The following PARD3B variants were observed in gnomAD, a reference collection of about 807,000 sequenced individuals.
PARD3B encodes the protein par-3 family cell polarity regulator beta.
A neutral mutation model predicts 130.2 loss-of-function variants in PARD3B; 103 were observed. That is an observed-to-expected ratio of 0.79 (90% confidence interval 0.67 to 0.93). The LOEUF (loss-of-function observed/expected upper bound fraction) is 0.93. PARD3B is among the 40% of genes least tolerant of loss of function. The pLI is 0.00. For missense variants in PARD3B, 1,609 were observed against 1,499.2 expected (o/e 1.07, Z -1.21); for synonymous variants, 583 against 553.2 (o/e 1.05, Z -0.76).
chr2:204,977,211 T>C (rs2125195027), intron 3 of PARD3B, among the ~76,000 whole-genome samples: 1 of 152,316 alleles, frequency 6.6e-6, no homozygotes, highest in East Asian at 1.9e-4. Context: ...GGTAATTGCT[T>C]TGATCTTTTT....
At chr2:205,467,236 CAG>C (rs1334197189) in intron 20 of PARD3B, among the ~76,000 whole-genome samples, 1 of 152,152 alleles carries the variant, frequency 6.6e-6, no homozygotes. Context: ...AAAGAGAAAA[CAG>C]AAATGTTTCC....
intron 4 of PARD3B, among the ~76,000 whole-genome samples, chr2:205,101,510 G>A (rs1011312697): frequency 2.6e-5 from 4 of 152,186 alleles, no homozygotes; most frequent in African/African-American, 9.7e-5. Flanking sequence ...GTTACCATAT[G>A]AGCAACAATT....
chr2:205,560,420 G>A (rs1559217894), intron 22 of PARD3B, among the ~76,000 whole-genome samples: 1 of 152,062 alleles, frequency 6.6e-6, no homozygotes, highest in Non-Finnish European at 1.5e-5. Flanking sequence ...GAACAGTTTA[G>A]TGTGTAATTG....
chr2:205,450,446 A>T lies in PARD3B; in HGVS notation c.3044+9774A>T, dbSNP rs141500124. Among the ~76,000 whole-genome samples, 275 of 151,610 alleles carry T rather than the reference A, an allele frequency of 1.8e-3. 2 individuals carry two copies. Among genetic ancestry groups the T allele is most frequent in the African/African-American group, 5.8e-3 (239 of 41,324 alleles). ...GAGGAGATGAAAGGCAAGAAAACTT[A>T]AAAAATTTAAGTGCAGATTCTTTTT... On this transcript the variant is annotated intron_variant, in intron 20 of 22. Coordinates refer to ENST00000406610, the MANE Select transcript of PARD3B (RefSeq NM_001302769.2).
chr2:205,261,765 T>G (rs2040322073), intron 16 of PARD3B, among the ~76,000 whole-genome samples: 1 of 152,174 alleles, frequency 6.6e-6, no homozygotes, highest in African/African-American at 2.4e-5. Context: ...AAAGGAGCTT[T>G]TATCAGATTA....
chr2:205,057,727 A>ATATATGTGTATGTGTATACG (rs1699818650), intron 4 of PARD3B, among the ~76,000 whole-genome samples: 1 of 150,594 alleles, frequency 6.6e-6, no homozygotes. Context: ...GTATATATAC[A>ATATATGTGTATGTGTATACG]TATATGTGTA....
intron 4 of PARD3B, among the ~76,000 whole-genome samples, chr2:205,102,058 T>A (rs1429054650): frequency 6.6e-6 from 1 of 152,148 alleles, no homozygotes; most frequent in Non-Finnish European, 1.5e-5. Flanking sequence ...ATAAAAATGA[T>A]CTTAAGGCAA....
At chr2:205,391,623 C>A (rs945492987) in intron 18 of PARD3B, among the ~76,000 whole-genome samples, 7 of 152,286 alleles carry the variant, frequency 4.6e-5, no homozygotes, top group Middle Eastern at 3.4e-3. Context: ...TGTTTTGAAG[C>A]CAGTGAAAGT....
chr2:205,199,650 T>C (rs1321302669), intron 15 of PARD3B, among the ~76,000 whole-genome samples: 1 of 152,144 alleles, frequency 6.6e-6, no homozygotes, highest in African/African-American at 2.4e-5. Flanking sequence ...AGGTGGCCCA[T>C]TGTTTTAAAC....
In PARD3B at chr2:205,284,355, A is replaced by T. The variant is rs112108027; in HGVS notation, c.2186-16175A>T. ...TCCCTAAATAATTATCTGCAAATTAACCTTTTCTCTTACTGGAATATTTGT... is the reference window on the plus strand; with the variant it reads ...TCCCTAAATAATTATCTGCAAATTATCCTTTTCTCTTACTGGAATATTTGT... On this transcript the variant is annotated intron_variant, in intron 16 of 22. Transcript: ENST00000406610. 5.0e-3 allele frequency among the ~76,000 whole-genome samples: 769 copies of T among 152,338 alleles called. 9 individuals carry two copies. Among genetic ancestry groups the T allele is most frequent in the East Asian group, 0.031 (161 of 5,188 alleles).
At chr2:204,921,167 T>A (rs927105183) in intron 2 of PARD3B, among the ~76,000 whole-genome samples, 9 of 152,330 alleles carry the variant, frequency 5.9e-5, no homozygotes, top group South Asian at 4.1e-4. Context: ...ATGTAATCAG[T>A]GCTGGTTCAT....
chr2:205,247,670 C>T (rs914615224), intron 16 of PARD3B, among the ~76,000 whole-genome samples: 2 of 152,126 alleles, frequency 1.3e-5, no homozygotes, highest in East Asian at 1.9e-4. Flanking sequence ...TACTACTTCA[C>T]GTTTTTCATT....
rs913141197 is a variant in PARD3B at position 205,473,525 on chromosome 2, C to T, written c.3045-26371C>T. On this transcript the variant is annotated intron_variant, in intron 20 of 22. Coordinates refer to ENST00000406610, the MANE Select transcript of PARD3B (RefSeq NM_001302769.2). This position sits in a 1 kb window ranked among gnomAD's most constrained non-coding sequence, Gnocchi z 4.9. ...TTTTCTGCTGCCTGACAGTAGGGCACGTTTCACTCATTAATATGGGTGATA... is the reference window on the plus strand; with the variant it reads ...TTTTCTGCTGCCTGACAGTAGGGCATGTTTCACTCATTAATATGGGTGATA... 6.6e-6 allele frequency among the ~76,000 whole-genome samples: 1 copy of T among 151,504 alleles called. No individual in the cohort carries two copies. Among genetic ancestry groups the T allele is most frequent in the East Asian group, 1.9e-4 (1 of 5,146 alleles).
At chr2:204,932,039 C>T (rs917586808) in intron 2 of PARD3B, among the ~76,000 whole-genome samples, 8 of 151,966 alleles carry the variant, frequency 5.3e-5, no homozygotes, top group Admixed American at 1.3e-4. Flanking sequence ...CTACATTTGC[C>T]GAATTCTAGT....
intron 2 of PARD3B, among the ~76,000 whole-genome samples, chr2:204,692,086 TCTGAACA>T (rs1230195162): frequency 1.3e-5 from 2 of 152,114 alleles, no homozygotes; most frequent in Admixed American, 1.3e-4. Context: ...CAAATTGCTT[TCTGAACA>T]CTCTGTTGCC....
At chr2:205,303,350 A>C (rs776253597) in intron 18 of PARD3B, among the ~76,000 whole-genome samples, 14 of 152,126 alleles carry the variant, frequency 9.2e-5, no homozygotes, top group Non-Finnish European at 1.3e-4. Context: ...GATTTTTTAG[A>C]GTGCTCCTTA....
intron 2 of PARD3B, among the ~76,000 whole-genome samples, chr2:204,855,123 C>G (rs1464721134): frequency 6.6e-6 from 1 of 152,044 alleles, no homozygotes; most frequent in African/African-American, 2.4e-5. Flanking sequence ...GAACCTGTCT[C>G]AAAAAATGAG....
intron 22 of PARD3B, among the ~76,000 whole-genome samples, chr2:205,577,190 G>A (rs576859045): frequency 4.6e-5 from 7 of 151,954 alleles, no homozygotes; most frequent in African/African-American, 7.2e-5. Context: ...AGGGTTTTTT[G>A]TGTGTGTGTC....
intron 2 of PARD3B, among the ~76,000 whole-genome samples, chr2:204,935,526 A>C (rs373182958): frequency 6.6e-6 from 1 of 151,760 alleles, no homozygotes; most frequent in African/African-American, 2.4e-5. Flanking sequence ...GTGACAGAGC[A>C]AGACTCCGTC....
Sources: gnomAD v4.1 joint callset for allele counts (sites outside exome capture counted in the v4.1 genomes callset) on GRCh38, gnomAD v4.1.1 for gene constraint, Gnocchi (gnomAD v3.1) non-coding constraint, MANE v1.5 for transcripts, NCBI Gene and HGNC (gene_info 2026-07-23, HGNC 2026-07-21) for gene names.